Variants in PITPNM2 observed in about 807,000 individuals in gnomAD.
PITPNM2 encodes membrane-associated phosphatidylinositol transfer protein 2.
A neutral mutation model predicts 132.2 loss-of-function variants in PITPNM2; 35 were observed. The observed-to-expected ratio is 0.26, with a 90% CI of 0.20 to 0.35. PITPNM2 has a LOEUF of 0.35. PITPNM2 is among the 10% of genes least tolerant of loss of function. PITPNM2 has a pLI of 1.00. For synonymous variants in PITPNM2, 738 were observed against 799.2 expected (o/e 0.92, Z 1.29); for missense variants, 1,332 against 1,912.0 (o/e 0.70, Z 5.66).
At chr12:123,013,678 C>T in intron 4 of PITPNM2, 150 bp downstream of exon 4, 1 of 905,400 alleles carries the variant, frequency 1.1e-6, no homozygotes, top group Non-Finnish European at 1.7e-6. Flanking sequence ...TTCGGGGCAC[C>T]TGTATGGAAC....
upstream of PITPNM2, among the ~76,000 whole-genome samples, chr12:123,151,721 C>A (rs1367814126): frequency 1.3e-5 from 2 of 152,152 alleles, no homozygotes; most frequent in African/African-American, 4.8e-5. Context: ...GAAGAGCCCC[C>A]GGTGGGGGAG....
Position 123,031,230 on chromosome 12 carries a change from A to G in PITPNM2, c.78+3283T>C, listed in dbSNP as rs1406268995. 1.3e-5 allele frequency among the ~76,000 whole-genome samples: 2 copies of G among 152,262 alleles called. No individual in the cohort carries two copies. The highest frequency in any genetic ancestry group is 3.8e-4 in the East Asian group (2 of 5,202). Reference sequence around the variant, plus strand: ...CAAAAGAATTTCTTCCAAATGCTATAGAGACCTGATAGCCTGAGCCCCGTC... The same window carrying G: ...CAAAAGAATTTCTTCCAAATGCTATGGAGACCTGATAGCCTGAGCCCCGTC... On this transcript the variant is annotated intron_variant, in intron 3 of 25. Transcript: ENST00000320201. The surrounding 1 kb of genome is among the most constrained non-coding windows in gnomAD (Gnocchi z 4.5).
At chr12:123,122,322 C>A (rs1036051068) in intron 1 of PITPNM2, among the ~76,000 whole-genome samples, 3 of 151,968 alleles carry the variant, frequency 2.0e-5, no homozygotes, top group Non-Finnish European at 4.4e-5. Context: ...ATTAGCCGGG[C>A]GTGGTGACAC....
At chr12:123,055,814 C>T (rs2041005218) in intron 2 of PITPNM2, among the ~76,000 whole-genome samples, 1 of 152,042 alleles carries the variant, frequency 6.6e-6, no homozygotes, top group South Asian at 2.1e-4. Context: ...CAGAAGCAAA[C>T]AGGGCAGAGG....
At chr12:123,024,498 T>C (rs2039782820) in intron 3 of PITPNM2, among the ~76,000 whole-genome samples, 1 of 152,208 alleles carries the variant, frequency 6.6e-6, no homozygotes, top group Non-Finnish European at 1.5e-5. Flanking sequence ...TTATTCACTG[T>C]AGCCAAAAAG....
At chr12:123,013,188 G>T (rs185670212) in intron 4 of PITPNM2, among the ~76,000 whole-genome samples, 1 of 152,212 alleles carries the variant, frequency 6.6e-6, no homozygotes, top group African/African-American at 2.4e-5. Flanking sequence ...AAAAAGCTCC[G>T]TGGATCCCTC....
At position 123,023,915 on chromosome 12, in the gene PITPNM2, G is replaced by A. The variant is rs1267837696; in HGVS notation, c.79-9873C>T. The stretch of plus-strand genomic sequence containing the variant: ...GTAACTTATATCCAAAATATATACA[G>A]AACTCCTCCAATGCAACAACAGAGA... On this transcript the variant is annotated intron_variant, in intron 3 of 25. Transcript: ENST00000320201. The surrounding 1 kb of genome is among the most constrained non-coding windows in gnomAD (Gnocchi z 4.8). 6.6e-6 allele frequency among the ~76,000 whole-genome samples: 1 copy of A among 152,016 alleles called. No individual in the cohort carries two copies. Among genetic ancestry groups the A allele is most frequent in the East Asian group, 1.9e-4 (1 of 5,200 alleles).
At chr12:123,029,149 C>T (rs2039981171) in intron 3 of PITPNM2, among the ~76,000 whole-genome samples, 1 of 152,204 alleles carries the variant, frequency 6.6e-6, no homozygotes. Context: ...CTGAGATTGG[C>T]AGCAGCCTCC....
At chr12:123,090,706 A>G (rs188693056) in intron 2 of PITPNM2, 8 of 152,302 alleles carry the variant, frequency 5.3e-5, no homozygotes, top group Admixed American at 5.2e-4. Flanking sequence ...GGAATTCACA[A>G]TCTGTCATTT....
intron 2 of PITPNM2, among the ~76,000 whole-genome samples, chr12:123,059,544 G>A: frequency 6.6e-6 from 1 of 152,220 alleles, no homozygotes; most frequent in Admixed American, 6.5e-5. Context: ...TTCTCCCCCA[G>A]AACAAGCTTG....
At chr12:123,071,286 C>T (rs990956523) in intron 2 of PITPNM2, among the ~76,000 whole-genome samples, 1 of 152,220 alleles carries the variant, frequency 6.6e-6, no homozygotes, top group African/African-American at 2.4e-5. Flanking sequence ...AGGGGAGGCC[C>T]CTCCTTGGCA....
Position 123,097,981 on chromosome 12 carries a change from C to A in PITPNM2, c.-96+12404G>T, listed in dbSNP as rs1376581846. On this transcript the variant is annotated intron_variant, in intron 2 of 25. Coordinates refer to ENST00000320201, the MANE Select transcript of PITPNM2 (RefSeq NM_020845.3). The surrounding 1 kb of genome is among the most constrained non-coding windows in gnomAD (Gnocchi z 4.7). ...AAAATGATACATCACAGCCGCCAGG[C>A]CACAGGGAGACCAAAGGTGACAGAG... Among the ~76,000 whole-genome samples, 1 of 152,200 alleles carries A rather than the reference C, an allele frequency of 6.6e-6. No homozygotes were observed. Among genetic ancestry groups the A allele is most frequent in the Non-Finnish European group, 1.5e-5 (1 of 68,040 alleles).
chr12:123,050,296 C>T (rs972653689), intron 2 of PITPNM2, among the ~76,000 whole-genome samples: 2 of 152,202 alleles, frequency 1.3e-5, no homozygotes, highest in Non-Finnish European at 2.9e-5. Context: ...CTCTCAGACA[C>T]ACTCAGTGCA....
intron 2 of PITPNM2, chr12:123,089,804 A>G (rs2042210331): frequency 1.3e-5 from 2 of 152,196 alleles, no homozygotes. Flanking sequence ...TAAGACCTGG[A>G]TTCTGAGTGT....
chr12:123,085,004 T>C (rs1053586091), intron 2 of PITPNM2, among the ~76,000 whole-genome samples: 4 of 152,122 alleles, frequency 2.6e-5, no homozygotes, highest in Non-Finnish European at 5.9e-5. Context: ...CAAGTATGGC[T>C]CTTAATAGAG....
chr12:123,053,326 G>C (rs1264029707), intron 2 of PITPNM2, among the ~76,000 whole-genome samples: 2 of 152,120 alleles, frequency 1.3e-5, no homozygotes, highest in African/African-American at 4.8e-5. Flanking sequence ...TCATCCCATA[G>C]GTTTTTACAT....
At position 123,058,925 on chromosome 12, in the gene PITPNM2, C is replaced by T. The variant is rs1350515438; in HGVS notation, c.-95-24240G>A. ...CCCAGGTGCATTGAGAGCACCTCAG[C>T]CCCAGCTCCCACCACACCCCATTCC... is the stretch of plus-strand genomic sequence containing the variant. On this transcript the variant is annotated intron_variant, in intron 2 of 25. Transcript: ENST00000320201. This position sits in a 1 kb window ranked among gnomAD's most constrained non-coding sequence, Gnocchi z 4.0. Among the ~76,000 whole-genome samples, 1 of 152,128 alleles carries T rather than the reference C, an allele frequency of 6.6e-6. No individual in the cohort carries two copies. Among genetic ancestry groups the T allele is most frequent in the African/African-American group, 2.4e-5 (1 of 41,436 alleles).
At position 123,108,724 on chromosome 12, in the gene PITPNM2, C is replaced by T. The variant is rs889706000; in HGVS notation, c.-96+1661G>A. On this transcript the variant is annotated intron_variant, in intron 2 of 25. Coordinates refer to ENST00000320201, the MANE Select transcript of PITPNM2 (RefSeq NM_020845.3). The surrounding 1 kb of genome is among the most constrained non-coding windows in gnomAD (Gnocchi z 4.4). ...TTTCACAGCAACTGAAAAGAATGAG[C>T]AATTAGAGAAGATAACAGTCCACGG... Among the ~76,000 whole-genome samples the T allele has an allele frequency of 6.6e-6, 1 of 152,180 alleles. No individual in the cohort carries two copies. Among genetic ancestry groups the T allele is most frequent in the Non-Finnish European group, 1.5e-5 (1 of 68,028 alleles).
At chr12:123,141,604 C>A (rs942257733) in intron 1 of PITPNM2, among the ~76,000 whole-genome samples, 3 of 152,058 alleles carry the variant, frequency 2.0e-5, no homozygotes, top group African/African-American at 4.8e-5. Context: ...GAGCAGGAAT[C>A]TTAAGCACCA....
Sources: allele counts gnomAD v4.1 joint callset (sites outside exome capture counted in the v4.1 genomes callset), GRCh38; gene constraint gnomAD v4.1.1; non-coding constraint Gnocchi (gnomAD v3.1); transcripts MANE v1.5; gene names NCBI Gene and HGNC (gene_info 2026-07-23, HGNC 2026-07-21).